CNNM2: variants seen among roughly 807,000 people sequenced by gnomAD.
CNNM2 encodes cyclin and CBS domain divalent metal cation transport mediator 2.
In CNNM2, 12 loss-of-function variants were observed where a neutral mutation model predicts 66.9. That is an observed-to-expected ratio of 0.18 (90% CI 0.11 to 0.29). The LOEUF (loss-of-function observed/expected upper bound fraction) is 0.29, where lower values mean the gene tolerates loss of function less well. Among genes scored for constraint, CNNM2 ranks in the 10% least tolerant of loss-of-function variants. The pLI is 1.00. For missense variants in CNNM2, 705 were observed against 1,167.7 expected, an observed-to-expected ratio of 0.60 and a Z score of 5.77; for synonymous variants, 557 against 501.8, an observed-to-expected ratio of 1.11 and a Z score of -1.47.
At chr10:102,998,158 C>T (rs114319817) in intron 1 of CNNM2, among the ~76,000 whole-genome samples, 1 of 152,140 alleles carries the variant, frequency 6.6e-6, no homozygotes, top group Admixed American at 6.5e-5. Context: ...TGAAGCCACA[C>T]TTGTGTTTTT....
At chr10:103,008,127 T>C (rs1226991457) in intron 1 of CNNM2, among the ~76,000 whole-genome samples, 1 of 152,060 alleles carries the variant, frequency 6.6e-6, no homozygotes, top group Non-Finnish European at 1.5e-5. Context: ...ATATCTTGTG[T>C]TAGATTGCTG....
At chr10:102,965,454 G>A (rs915402742) in intron 1 of CNNM2, among the ~76,000 whole-genome samples, 5 of 152,276 alleles carry the variant, frequency 3.3e-5, no homozygotes, top group East Asian at 3.9e-4. Flanking sequence ...GTCGTTGTGC[G>A]CCTCCTTCCA....
At position 103,087,506 on chromosome 10, in the gene CNNM2, T is replaced by C. The variant is rs1291611370; in HGVS notation, c.*10326T>C. ...GAATCATCTGGCTAGTAAGACACTC[T>C]TATATGGATGCAATACAAAAAGTGG... On this transcript the variant is annotated 3_prime_UTR_variant, in exon 8 of 8. Coordinates refer to ENST00000369878, the MANE Select transcript of CNNM2 (RefSeq NM_017649.5). 6.6e-6 allele frequency: 1 copy of C among 152,174 alleles called. No individual in the cohort carries two copies. The highest frequency in any genetic ancestry group is 1.5e-5 in the Non-Finnish European group (1 of 68,034). 9.4% of individuals were successfully genotyped at this position (152,174 alleles called of 1,614,324 possible). A position where few individuals can be genotyped will look rare whatever the true frequency, so the allele number is the denominator to read the frequency against.
chr10:102,955,565 A>C (rs567428519), intron 1 of CNNM2, among the ~76,000 whole-genome samples: 1 of 152,360 alleles, frequency 6.6e-6, no homozygotes, highest in South Asian at 2.1e-4. Flanking sequence ...AGCCAAAGAA[A>C]CTACCATCAG....
At position 102,926,030 on chromosome 10, in the gene CNNM2, G is replaced by C. The variant is rs998836737; in HGVS notation, c.1621+5929G>C. On this transcript the variant is annotated intron_variant, in intron 1 of 7. Transcript: ENST00000369878. ...TGATTATTTCTTCTGTGAGAGTAAT[G>C]ATGATTGGATTTGGTTAGGACTGTG... Among the ~76,000 whole-genome samples, 15 of 152,152 alleles carry C rather than the reference G, an allele frequency of 9.9e-5. No homozygotes were observed. The highest frequency in any genetic ancestry group is 3.1e-4 in the African/African-American group (13 of 41,418).
intron 6 of CNNM2, among the ~76,000 whole-genome samples, chr10:103,072,445 G>A (rs1485828133): frequency 6.6e-6 from 1 of 150,488 alleles, no homozygotes; most frequent in South Asian, 2.1e-4. Context: ...AGGCGACCCC[G>A]CTTCTCCCCA....
At position 103,080,955 on chromosome 10, in the gene CNNM2, C is replaced by T. The variant is rs897510114; in HGVS notation, c.*3775C>T. 3.9e-5 allele frequency: 6 copies of T among 152,210 alleles called. No individual in the cohort carries two copies. The highest frequency in any genetic ancestry group is 1.4e-4 in the African/African-American group (6 of 41,418). 9.4% of individuals were successfully genotyped at this position (152,210 alleles called of 1,614,324 possible). A position where few individuals can be genotyped will look rare whatever the true frequency, so the allele number is the denominator to read the frequency against. ...CCACCTCTGTCATCTGAAGGCCAGC[C>T]GGGGATCTGTAGCCATCCTCGCCTT... On this transcript the variant is annotated 3_prime_UTR_variant, in exon 8 of 8. Coordinates refer to ENST00000369878, the MANE Select transcript of CNNM2 (RefSeq NM_017649.5).
chr10:102,962,035 G>A (rs1167175607), intron 1 of CNNM2, among the ~76,000 whole-genome samples: 1 of 152,028 alleles, frequency 6.6e-6, no homozygotes, highest in Non-Finnish European at 1.5e-5. Context: ...TAAGAGAAGT[G>A]CAAATTAAAA....
rs35281835 is a variant in CNNM2, at chr10:102,992,273, C to CTTT, written c.1622-57418_1622-57416dup. Among the ~76,000 whole-genome samples the CTTT allele has an allele frequency of 2.1e-4, 23 of 108,488 alleles. 1 individual carries two copies. In the South Asian group the frequency reaches 3.8e-3, roughly 18 times the overall value. 71.2% of individuals were successfully genotyped at this position (108,488 alleles called of 152,430 possible). ...TTTACTGGGAGCAAGCTCCAAGTTC[C>CTTT]TTTTTTTTTTTTTTTTTTGAGATGC... On this transcript the variant is annotated intron_variant, in intron 1 of 7. Transcript: ENST00000369878.
intron 5 of CNNM2, among the ~76,000 whole-genome samples, chr10:103,070,433 G>A (rs1334855306): frequency 1.3e-5 from 2 of 152,234 alleles, no homozygotes; most frequent in Non-Finnish European, 2.9e-5. Context: ...CCCCTTGAAA[G>A]CATGAGGGGA....
intron 1 of CNNM2, among the ~76,000 whole-genome samples, chr10:102,942,173 C>G (rs1016769415): frequency 7.9e-5 from 12 of 152,146 alleles, no homozygotes; most frequent in Non-Finnish European, 1.5e-4. Flanking sequence ...TTAAACATTT[C>G]TGTAAAATAT....
In CNNM2 at chr10:103,083,833, C is replaced by G. The variant is rs1283723705; in HGVS notation, c.*6653C>G. ...AGGCCTCTCAATTGGCTCTTGAAAA[C>G]AAGGATGGCTTTATAGGTCCTCCTC... On this transcript the variant is annotated 3_prime_UTR_variant, in exon 8 of 8. Coordinates refer to ENST00000369878, the MANE Select transcript of CNNM2 (RefSeq NM_017649.5). 2.0e-5 allele frequency: 3 copies of G among 152,178 alleles called. No homozygotes were observed. Among genetic ancestry groups the G allele is most frequent in the Non-Finnish European group, 4.4e-5 (3 of 68,046 alleles). The allele number at this position is 152,178 out of a possible 1,614,324, so 9.4% of individuals were successfully genotyped here. A position where few individuals can be genotyped will look rare whatever the true frequency, so the allele number is the denominator to read the frequency against.
chr10:103,020,786 G>A (rs2064558868), intron 1 of CNNM2, among the ~76,000 whole-genome samples: 1 of 135,370 alleles, frequency 7.4e-6, no homozygotes, highest in African/African-American at 2.7e-5. Flanking sequence ...ACTGGGAAGG[G>A]GCGAAGGGCG....
chr10:103,051,073 G>T (rs1294910802), intron 2 of CNNM2, among the ~76,000 whole-genome samples: 2 of 152,150 alleles, frequency 1.3e-5, no homozygotes, highest in Non-Finnish European at 2.9e-5. Context: ...GAAATGGACT[G>T]TCTGAGCTTC....
chr10:102,984,792 G>T (rs1218267420), intron 1 of CNNM2, among the ~76,000 whole-genome samples: 1 of 152,000 alleles, frequency 6.6e-6, no homozygotes, highest in Non-Finnish European at 1.5e-5. Context: ...GACTACAGGC[G>T]CCTGTCACTA....
rs2134148595 is a variant in CNNM2, at chr10:102,918,508, A to G, written c.28A>G (p.Lys10Glu). 2 of 1,607,378 alleles carry G rather than the reference A, an allele frequency of 1.2e-6. No individual in the cohort carries two copies. The highest frequency in any genetic ancestry group is 1.7e-6 in the Non-Finnish European group (2 of 1,178,360). The change falls in exon 1 of 8, where the codon AAA (lysine) becomes GAA (glutamate). Residue 10 changes from lysine (K) to glutamate (E), a missense_variant. Lys to Glu is a moderately conservative substitution (Grantham distance 56, BLOSUM62 1). This residue lies in a region of CNNM2 where 98 missense variants were observed against 73.6 expected (regional missense o/e 1.33). Coordinates refer to ENST00000369878, the MANE Select transcript of CNNM2 (RefSeq NM_017649.5). The surrounding 1 kb of genome is among the most constrained non-coding windows in gnomAD (Gnocchi z 4.1). ...GATTGGCTGTGGCGCTTGTGAACCC[A>G]AAGTAAAGATGGCGGGCGGGCAGGC... MIGCGACEP[K>E]VKMAGGQAAA...
Position 103,044,198 on chromosome 10 carries a change from C to T in CNNM2, c.1622-5509C>T, listed in dbSNP as rs79359900. On this transcript the variant is annotated intron_variant, in intron 1 of 7. Transcript: ENST00000369878. Reference sequence around the variant, plus strand: ...TAAGTTTTGGGTTTATTCTTCTATTCGTTTTCCCAGAGTCGCTTTTCTGCT... The same window carrying T: ...TAAGTTTTGGGTTTATTCTTCTATTTGTTTTCCCAGAGTCGCTTTTCTGCT... 0.053 allele frequency among the ~76,000 whole-genome samples: 8,106 copies of T among 152,162 alleles called. 264 individuals carry two copies. Among genetic ancestry groups the T allele is most frequent in the Middle Eastern group, 0.14 (42 of 294 alleles).
intron 1 of CNNM2, among the ~76,000 whole-genome samples, chr10:103,019,405 G>T (rs1484450969): frequency 6.6e-6 from 1 of 152,168 alleles, no homozygotes; most frequent in Non-Finnish European, 1.5e-5. Flanking sequence ...ATGTGGAAGA[G>T]AAATGAAAGT....
At chr10:103,063,040 C>T (rs1236005419) in intron 4 of CNNM2, among the ~76,000 whole-genome samples, 2 of 152,212 alleles carry the variant, frequency 1.3e-5, no homozygotes, top group African/African-American at 2.4e-5. Flanking sequence ...AGTAATACCA[C>T]GTGGCACCAG....
Sources: allele counts gnomAD v4.1 joint callset (sites outside exome capture counted in the v4.1 genomes callset), GRCh38; gene constraint gnomAD v4.1.1; regional missense constraint gnomAD v4.1.1; non-coding constraint Gnocchi (gnomAD v3.1); transcripts MANE v1.5; gene names NCBI Gene and HGNC (gene_info 2026-07-23, HGNC 2026-07-21).